Variants in ENPP6 observed in about 807,000 individuals in gnomAD.
ENPP6 encodes ectonucleotide pyrophosphatase/phosphodiesterase 6.
Under a neutral mutation model 42.0 loss-of-function variants are expected in ENPP6, and 32 were observed. The observed-to-expected ratio is 0.76, with a 90% confidence interval of 0.58 to 1.02. ENPP6 has a LOEUF of 1.02. Ranked by LOEUF, ENPP6 falls within the 50% of genes least tolerant of loss-of-function variation. ENPP6 has a pLI of 0.00. For missense variants in ENPP6, 552 were observed against 566.8 expected, an observed-to-expected ratio of 0.97 and a Z score of 0.27; for synonymous variants, 213 against 216.0, an observed-to-expected ratio of 0.99 and a Z score of 0.12.
chr4:184,101,612 A>C (rs4615212), intron 6 of ENPP6, among the ~76,000 whole-genome samples: 1 of 151,770 alleles, frequency 6.6e-6, no homozygotes, highest in Non-Finnish European at 1.5e-5. Flanking sequence ...AGGGTGACCA[A>C]CTCTCCTGGT....
intron 1 of ENPP6, among the ~76,000 whole-genome samples, chr4:184,160,772 G>A (rs1359647430): frequency 2.6e-5 from 4 of 152,106 alleles, no homozygotes; most frequent in Admixed American, 2.0e-4. Flanking sequence ...AAGTCCCCAG[G>A]AGATGCACAT....
At chr4:184,206,464 G>T in intron 1 of ENPP6, among the ~76,000 whole-genome samples, 1 of 145,184 alleles carries the variant, frequency 6.9e-6, no homozygotes, top group Non-Finnish European at 1.5e-5. Flanking sequence ...CACCGTGTTA[G>T]CCAGGATGGT....
At chr4:184,197,157 T>C (rs1448375423) in intron 1 of ENPP6, among the ~76,000 whole-genome samples, 1 of 152,196 alleles carries the variant, frequency 6.6e-6, no homozygotes, top group Non-Finnish European at 1.5e-5. Flanking sequence ...TCAGTTATTA[T>C]TCACGGCACT....
intron 1 of ENPP6, among the ~76,000 whole-genome samples, chr4:184,193,992 T>C (rs1464705708): frequency 6.6e-6 from 1 of 152,194 alleles, no homozygotes. Flanking sequence ...CTAATGCTAT[T>C]TTTGGCCTCT....
chr4:184,105,535 G>T (rs1736072917), intron 6 of ENPP6, among the ~76,000 whole-genome samples: 1 of 152,148 alleles, frequency 6.6e-6, no homozygotes, highest in Non-Finnish European at 1.5e-5. Flanking sequence ...TCAGAGATTT[G>T]TAACCATAGG....
At chr4:184,177,905 A>G (rs1472197032) in intron 1 of ENPP6, among the ~76,000 whole-genome samples, 2 of 152,248 alleles carry the variant, frequency 1.3e-5, no homozygotes, top group Non-Finnish European at 2.9e-5. Context: ...AGATAAAGTC[A>G]TGAAGATGAG....
At chr4:184,126,183 A>G (rs1395419869) in intron 2 of ENPP6, among the ~76,000 whole-genome samples, 2 of 152,244 alleles carry the variant, frequency 1.3e-5, no homozygotes, top group African/African-American at 4.8e-5. Flanking sequence ...TGGTACGAGC[A>G]ACAATAAATA....
At chr4:184,209,115 A>G (rs997578721) in intron 1 of ENPP6, among the ~76,000 whole-genome samples, 3 of 150,924 alleles carry the variant, frequency 2.0e-5, no homozygotes, top group Non-Finnish European at 4.4e-5. Context: ...CCAAAAGTAG[A>G]TAAAACCACA....
intron 2 of ENPP6, among the ~76,000 whole-genome samples, chr4:184,141,294 C>T (rs902163914): frequency 1.3e-5 from 2 of 152,174 alleles, no homozygotes; most frequent in Non-Finnish European, 2.9e-5. Flanking sequence ...CATTGCTCAA[C>T]CTCGCAGGCT....
At chr4:184,172,849 T>C (rs1296918385) in intron 1 of ENPP6, among the ~76,000 whole-genome samples, 1 of 152,212 alleles carries the variant, frequency 6.6e-6, no homozygotes, top group African/African-American at 2.4e-5. Flanking sequence ...AGAGGAAATG[T>C]ACATTCGTTC....
Position 184,153,741 on chromosome 4 carries a change from A to G in ENPP6, c.242-8T>C, listed in dbSNP as rs781678783. On this transcript the variant is annotated splice_polypyrimidine_tract_variant and splice_region_variant and intron_variant, in intron 1 of 7. Coordinates refer to ENST00000296741, the MANE Select transcript of ENPP6 (RefSeq NM_153343.4). ...GGACTTCACAATGGCGGCCTATGTC[A>G]ATGAGAACACAGCTGTCAGTTTACG... 6.2e-7 allele frequency: 1 copy of G among 1,613,322 alleles called. No homozygotes were observed. The highest frequency in any genetic ancestry group is 1.7e-5 in the Admixed American group (1 of 59,904).
chr4:184,196,504 CAG>C (rs1732803094), intron 1 of ENPP6, among the ~76,000 whole-genome samples: 1 of 152,176 alleles, frequency 6.6e-6, no homozygotes, highest in Non-Finnish European at 1.5e-5. Context: ...ATCTGTGGTT[CAG>C]ACAGTAAGTG....
chr4:184,212,144 C>G (rs1733123154), intron 1 of ENPP6, among the ~76,000 whole-genome samples: 1 of 151,824 alleles, frequency 6.6e-6, no homozygotes, highest in Non-Finnish European at 1.5e-5. Context: ...ACTGAATGGG[C>G]AAAAACTGGA....
In ENPP6 at chr4:184,126,805, G is replaced by C. The variant is rs114640084; in HGVS notation, c.422-2533C>G. Among the ~76,000 whole-genome samples, 798 of 152,292 alleles carry C rather than the reference G, an allele frequency of 5.2e-3. 9 individuals carry two copies. Among genetic ancestry groups the C allele is most frequent in the South Asian group, 0.037 (181 of 4,828 alleles). ...AATCTAACTAAATCTTCAGGAAAGC[G>C]CAGACCCAGCTCAGCTACAGATTAG... On this transcript the variant is annotated intron_variant, in intron 2 of 7. Transcript: ENST00000296741.
At chr4:184,175,621 C>G (rs1210077906) in intron 1 of ENPP6, among the ~76,000 whole-genome samples, 1 of 152,150 alleles carries the variant, frequency 6.6e-6, no homozygotes, top group Non-Finnish European at 1.5e-5. Context: ...GGGCCAGAAA[C>G]TAGGCAGTCT....
chr4:184,196,678 G>A (rs1309830186), intron 1 of ENPP6, among the ~76,000 whole-genome samples: 1 of 152,236 alleles, frequency 6.6e-6, no homozygotes, highest in African/African-American at 2.4e-5. Flanking sequence ...GGCTGTGGGT[G>A]TGGTAGAGGA....
At chr4:184,113,104 C>T (rs912617524) in intron 5 of ENPP6, among the ~76,000 whole-genome samples, 1 of 152,142 alleles carries the variant, frequency 6.6e-6, no homozygotes, top group African/African-American at 2.4e-5. Context: ...ATGAACCCTG[C>T]AAACTGGAAC....
At chr4:184,159,208 A>G (rs749402738) in intron 1 of ENPP6, among the ~76,000 whole-genome samples, 7 of 152,210 alleles carry the variant, frequency 4.6e-5, no homozygotes, top group Non-Finnish European at 7.3e-5. Flanking sequence ...TTATTGCCCC[A>G]TTTAATAGAT....
chr4:184,194,120 T>C (rs1313938517), intron 1 of ENPP6, among the ~76,000 whole-genome samples: 2 of 152,190 alleles, frequency 1.3e-5, no homozygotes, highest in Admixed American at 6.5e-5. Flanking sequence ...CTTACCATCA[T>C]GGTCCCTCAT....
Sources: allele counts gnomAD v4.1 joint callset (sites outside exome capture counted in the v4.1 genomes callset), GRCh38; gene constraint gnomAD v4.1.1; transcripts MANE v1.5; gene names NCBI Gene and HGNC (gene_info 2026-07-23, HGNC 2026-07-21).